Variants in MYO16 observed in about 807,000 individuals in gnomAD.
MYO16 encodes unconventional myosin-XVI.
Under a neutral mutation model 205.3 loss-of-function variants are expected in MYO16, and 94 were observed. The observed-to-expected ratio is 0.46, with a 90% confidence interval of 0.39 to 0.54. The LOEUF is 0.54. MYO16 is among the 20% of genes least tolerant of loss of function. The pLI, the probability that MYO16 is intolerant of heterozygous loss-of-function variation, is 0.00. For missense variants in MYO16, 2,315 were observed against 2,387.5 expected, an observed-to-expected ratio of 0.97 and a Z score of 0.63; for synonymous variants, 988 against 954.0, an observed-to-expected ratio of 1.04 and a Z score of -0.66.
chr13:108,866,312 A>T, intron 12 of MYO16, 70 bp downstream of exon 12: 1 of 950,818 alleles, frequency 1.1e-6, no homozygotes, highest in Non-Finnish European at 1.5e-6. Flanking sequence ...TGTTTGTATC[A>T]AATGACTAAA....
At chr13:108,754,085 CTGTAGCATGCAGGACAAGT>C (rs1445255598) in intron 4 of MYO16, among the ~76,000 whole-genome samples, 2 of 152,266 alleles carry the variant, frequency 1.3e-5, no homozygotes, top group South Asian at 2.1e-4. Context: ...GCAGAACAAG[CTGTAGCATGCAGGACAAGT>C]TGTAGCATGC....
intron 7 of MYO16, among the ~76,000 whole-genome samples, chr13:108,808,735 A>T (rs1887194287): frequency 6.8e-6 from 1 of 147,062 alleles, no homozygotes; most frequent in Admixed American, 6.6e-5. Context: ...ATCTGTAATT[A>T]GTTTGAGTGA....
chr13:108,604,843 G>C (rs1566500845), intron 1 of MYO16, among the ~76,000 whole-genome samples: 1 of 152,158 alleles, frequency 6.6e-6, no homozygotes, highest in Non-Finnish European at 1.5e-5. Context: ...TTTTCCACTT[G>C]TATACCTCTG....
At position 109,157,962 on chromosome 13, in the gene MYO16, G is replaced by A. The variant is rs553888630; in HGVS notation, c.5165-6939G>A. Among the ~76,000 whole-genome samples, 361 of 152,240 alleles carry A rather than the reference G, an allele frequency of 2.4e-3. 3 individuals are homozygous for A. The highest frequency in any genetic ancestry group is 6.4e-3 in the South Asian group (31 of 4,816). On this transcript the variant is annotated intron_variant, in intron 32 of 34. Transcript: ENST00000457511. Reference sequence around the variant, plus strand: ...ACTCAATGGATTGTTTCTTTCGGACGAATATTTCTTTAAGTTCTAAAGTAA... The same window carrying A: ...ACTCAATGGATTGTTTCTTTCGGACAAATATTTCTTTAAGTTCTAAAGTAA...
intron 2 of MYO16, among the ~76,000 whole-genome samples, chr13:108,685,197 A>G (rs1342008264): frequency 6.6e-6 from 1 of 151,748 alleles, no homozygotes; most frequent in Non-Finnish European, 1.5e-5. Context: ...TAATTTTTGT[A>G]TTTTTAGTAG....
At chr13:108,532,415 G>C in the MYO16 span, among the ~76,000 whole-genome samples, 3 of 151,336 alleles carry the variant, frequency 2.0e-5, no homozygotes, top group Non-Finnish European at 2.9e-5. Flanking sequence ...AAAGAGGGAT[G>C]AGGAGTGAGA....
the MYO16 span, among the ~76,000 whole-genome samples, chr13:108,573,964 C>T: frequency 6.6e-6 from 1 of 152,146 alleles, no homozygotes; most frequent in Admixed American, 6.5e-5. Context: ...GATCCTCCCA[C>T]CTCAGCCTCC....
At chr13:108,555,886 A>G in the MYO16 span, among the ~76,000 whole-genome samples, 1 of 152,292 alleles carries the variant, frequency 6.6e-6, no homozygotes, top group African/African-American at 2.4e-5. Context: ...ACTTACCATA[A>G]TGTGGTCCAA....
chr13:108,523,736 G>A, the MYO16 span, among the ~76,000 whole-genome samples: 12 of 152,198 alleles, frequency 7.9e-5, no homozygotes, highest in African/African-American at 2.9e-4. Flanking sequence ...CCAGCCAAGT[G>A]TGCGTGTCTT....
At chr13:108,630,255 G>A (rs751742380) in intron 1 of MYO16, among the ~76,000 whole-genome samples, 1 of 152,084 alleles carries the variant, frequency 6.6e-6, no homozygotes, top group Non-Finnish European at 1.5e-5. Flanking sequence ...ATATGGCTGA[G>A]GTCATTTAGC....
the MYO16 span, among the ~76,000 whole-genome samples, chr13:108,585,503 T>A: frequency 6.6e-6 from 1 of 152,168 alleles, no homozygotes; most frequent in African/African-American, 2.4e-5. Context: ...TGTAAATTGT[T>A]TCTTATCAGA....
chr13:109,054,153 T>A (rs1462550139), intron 25 of MYO16, among the ~76,000 whole-genome samples: 1 of 152,096 alleles, frequency 6.6e-6, no homozygotes, highest in Non-Finnish European at 1.5e-5. Flanking sequence ...CTTCCGCCCT[T>A]TATTTCTGCC....
intron 9 of MYO16, among the ~76,000 whole-genome samples, chr13:108,831,354 C>T (rs1467180757): frequency 3.3e-5 from 5 of 152,092 alleles, no homozygotes; most frequent in African/African-American, 1.2e-4. Context: ...TTTTTATTTG[C>T]TAAATCTAGC....
the MYO16 span, among the ~76,000 whole-genome samples, chr13:108,519,891 A>G: frequency 6.6e-6 from 1 of 152,140 alleles, no homozygotes; most frequent in African/African-American, 2.4e-5. Context: ...GAAGATGAGT[A>G]CTTGTACACT....
chr13:108,501,966 C>A, the MYO16 span, among the ~76,000 whole-genome samples: 294 of 152,284 alleles, frequency 1.9e-3, 1 homozygote, highest in African/African-American at 6.3e-3. Context: ...GTAATCCCAG[C>A]ACTTTGGGAG....
At chr13:109,012,889 G>A (rs1315922087) in intron 22 of MYO16, among the ~76,000 whole-genome samples, 1 of 150,572 alleles carries the variant, frequency 6.6e-6, no homozygotes, top group Non-Finnish European at 1.5e-5. Flanking sequence ...CTTTCTTCTA[G>A]GTCTAAAAAT....
At chr13:109,001,469 A>G (rs1272854215) in intron 21 of MYO16, among the ~76,000 whole-genome samples, 1 of 152,186 alleles carries the variant, frequency 6.6e-6, no homozygotes, top group African/African-American at 2.4e-5. Context: ...AGAGTCAGTC[A>G]TGGTGCTAGC....
At chr13:108,765,725 G>T (rs538788686) in intron 4 of MYO16, among the ~76,000 whole-genome samples, 1 of 152,138 alleles carries the variant, frequency 6.6e-6, no homozygotes, top group South Asian at 2.1e-4. Context: ...GGACTTCTGA[G>T]TATGACTGTA....
Position 109,055,740 on chromosome 13 carries a change from A to G in MYO16, c.3335+145A>G. On this transcript the variant is annotated intron_variant, in intron 27 of 34. Coordinates refer to ENST00000457511, the MANE Select transcript of MYO16 (RefSeq NM_001198950.3). The surrounding 1 kb of genome is among the most constrained non-coding windows in gnomAD (Gnocchi z 5.0). ...CTTTTTTCTATCTCCAATAAACAAAATATTCTGGGAAACAATGAAATACAC... is the reference window on the plus strand; with the variant it reads ...CTTTTTTCTATCTCCAATAAACAAAGTATTCTGGGAAACAATGAAATACAC... The G allele has an allele frequency of 1.5e-6, 1 of 667,596 alleles. No individual in the cohort carries two copies. The highest frequency in any genetic ancestry group is 2.6e-6 in the Non-Finnish European group (1 of 391,832). The allele number at this position is 667,596 out of a possible 1,614,324, so 41.4% of individuals were successfully genotyped here. A position where few individuals can be genotyped will look rare whatever the true frequency, so the allele number is the denominator to read the frequency against.
Sources: gnomAD v4.1 joint callset for allele counts (sites outside exome capture counted in the v4.1 genomes callset) on GRCh38, gnomAD v4.1.1 for gene constraint, Gnocchi (gnomAD v3.1) non-coding constraint, MANE v1.5 for transcripts, NCBI Gene and HGNC (gene_info 2026-07-23, HGNC 2026-07-21) for gene names.